ZNF581: variants seen among roughly 807,000 people sequenced by gnomAD.
ZNF581 encodes the protein zinc finger protein 581.
In ZNF581, 1 loss-of-function variant was observed where a neutral mutation model predicts 1.2. The observed-to-expected ratio is 0.83, with a 90% CI of 0.30 to 3.95. The LOEUF (loss-of-function observed/expected upper bound fraction) is 3.95. ZNF581 is among the 30% of genes most tolerant of loss of function. The pLI, the probability that ZNF581 is intolerant of heterozygous loss-of-function variation, is 0.18. For missense variants in ZNF581, 273 were observed against 274.6 expected, an observed-to-expected ratio of 0.99 and a Z score of 0.04; for synonymous variants, 105 against 109.2, an observed-to-expected ratio of 0.96 and a Z score of 0.24.
chr19:55,642,952 G>A, upstream of ZNF581: 1 of 1,428,112 alleles, frequency 7.0e-7, no homozygotes, highest in Admixed American at 3.0e-5. Context: ...GCGCCGGGCC[G>A]CCGCACACCT....
At chr19:55,641,058 T>G (rs1982430577), upstream of ZNF581, 3 of 984,998 alleles carry the variant, frequency 3.0e-6, no homozygotes, top group African/African-American at 5.2e-5. Flanking sequence ...AGTCCCCGCG[T>G]CCCCGGCGCC....
chr19:55,644,244 C>T lies in ZNF581; in HGVS notation c.-19-309C>T, dbSNP rs1183032936. 6.6e-6 allele frequency among the ~76,000 whole-genome samples: 1 copy of T among 152,148 alleles called. No homozygotes were observed. Among genetic ancestry groups the T allele is most frequent in the Non-Finnish European group, 1.5e-5 (1 of 68,020 alleles). ...CTGGAGGCCTGCGGGGTGGGGCACC[C>T]AGTGACCTGGGAGGGCACAAAGAGG... On this transcript the variant is annotated intron_variant, in intron 1 of 1. Transcript: ENST00000270451. This position sits in a 1 kb window ranked among gnomAD's most constrained non-coding sequence, Gnocchi z 4.3.
intron 1 of ZNF581, chr19:55,635,739 G>C: frequency 1.0e-6 from 1 of 988,134 alleles, no homozygotes; most frequent in Non-Finnish European, 1.2e-6. Flanking sequence ...GGTGGGAAAG[G>C]TGGCTGAGGC....
Position 55,645,041 on chromosome 19 carries a change from C to T in ZNF581, c.470C>T (p.Ala157Val), listed in dbSNP as rs368531496. ...CTCTGCCCTCGCCGCTTCCGGGATG[C>T]GGGTGAGCTGGCCCAGCACAGCCGG... is the stretch of plus-strand genomic sequence containing the variant. The part of the protein sequence containing the change: ...CPLCPRRFRD[A>V]GELAQHSRVH... Residue 157 changes from alanine (A) to valine (V), a missense_variant, in exon 2 of 2, where the codon GCG (alanine) becomes GTG (valine). Transcript: ENST00000270451. 1.9e-5 allele frequency: 30 copies of T among 1,585,706 alleles called. No homozygotes were observed. The highest frequency in any genetic ancestry group is 1.7e-4 in the Middle Eastern group (1 of 5,978).
At chr19:55,642,222 A>G (rs1014598832), upstream of ZNF581, 8 of 1,184,848 alleles carry the variant, frequency 6.8e-6, no homozygotes, top group East Asian at 2.2e-4. Flanking sequence ...TCGGGGGACT[A>G]CGTCCTCAGA....
At chr19:55,639,439 C>G (rs1982308701), upstream of ZNF581, among the ~76,000 whole-genome samples, 1 of 152,158 alleles carries the variant, frequency 6.6e-6, no homozygotes, top group African/African-American at 2.4e-5. Flanking sequence ...CAGAGTGAGA[C>G]TCTGTCTCAA....
chr19:55,637,200 A>G (rs1982143823), upstream of ZNF581, among the ~76,000 whole-genome samples: 1 of 152,050 alleles, frequency 6.6e-6, no homozygotes, highest in Non-Finnish European at 1.5e-5. Flanking sequence ...TCAGGGAATG[A>G]TTCTGTGAGC....
upstream of ZNF581, among the ~76,000 whole-genome samples, chr19:55,636,759 A>G (rs1982116224): frequency 6.6e-6 from 1 of 152,176 alleles, no homozygotes. Flanking sequence ...TACCACGGTC[A>G]CTAAAAGCTG....
upstream of ZNF581, chr19:55,640,857 G>C: frequency 1.0e-6 from 1 of 985,502 alleles, no homozygotes; most frequent in East Asian, 1.1e-4. Context: ...GGTGGGAGGG[G>C]AGCGGGGCCG....
upstream of ZNF581, among the ~76,000 whole-genome samples, chr19:55,636,148 G>C (rs1982077110): frequency 6.6e-6 from 1 of 152,210 alleles, no homozygotes; most frequent in African/African-American, 2.4e-5. Context: ...TGTTATGCAT[G>C]GTGCTGAAGT....
upstream of ZNF581, chr19:55,642,475 A>G: frequency 7.1e-7 from 1 of 1,407,496 alleles, no homozygotes; most frequent in South Asian, 1.7e-5. Context: ...ATTTTAACTA[A>G]TCTCCCCTCC....
At chr19:55,636,005 G>A (rs1286938660) in intron 1 of ZNF581, among the ~76,000 whole-genome samples, 1 of 152,196 alleles carries the variant, frequency 6.6e-6, no homozygotes, top group African/African-American at 2.4e-5. Context: ...AGGGGGCTGT[G>A]AGATGCCGTG....
chr19:55,640,509 G>C (rs1328255904), upstream of ZNF581: 1 of 985,286 alleles, frequency 1.0e-6, no homozygotes, highest in Non-Finnish European at 1.2e-6. Flanking sequence ...CTCGGTTCCC[G>C]CATGTGCCCC....
upstream of ZNF581, among the ~76,000 whole-genome samples, chr19:55,636,929 G>T (rs1982127408): frequency 6.6e-6 from 1 of 152,168 alleles, no homozygotes; most frequent in Non-Finnish European, 1.5e-5. Flanking sequence ...GCACCATGGT[G>T]CCCAGAAGGG....
chr19:55,639,530 C>A (rs1339482938), upstream of ZNF581, among the ~76,000 whole-genome samples: 1 of 152,176 alleles, frequency 6.6e-6, no homozygotes, highest in African/African-American at 2.4e-5. Flanking sequence ...CCTTTTGGGC[C>A]CTTGGGCCTC....
intron 1 of ZNF581, chr19:55,635,858 C>G (rs1982061437): frequency 6.3e-6 from 2 of 316,306 alleles, no homozygotes; most frequent in South Asian, 2.5e-4. Flanking sequence ...TGACACCTAG[C>G]CAACTTGAGA....
chr19:55,635,940 C>T (rs1469386508), intron 1 of ZNF581, among the ~76,000 whole-genome samples: 2 of 152,028 alleles, frequency 1.3e-5, no homozygotes, highest in Admixed American at 1.3e-4. Flanking sequence ...ATTCCCAGGG[C>T]GAGGAAAACA....
upstream of ZNF581, chr19:55,642,448 C>T (rs1210630360): frequency 2.9e-6 from 4 of 1,395,344 alleles, no homozygotes; most frequent in African/African-American, 1.5e-5. Flanking sequence ...GGAAACTTTT[C>T]CTAAAAGGAA....
chr19:55,645,010 T>G lies in ZNF581; in HGVS notation c.439T>G (p.Cys147Gly). 6.3e-7 allele frequency: 1 copy of G among 1,596,872 alleles called. No homozygotes were observed. Among genetic ancestry groups the G allele is most frequent in the Non-Finnish European group, 8.6e-7 (1 of 1,166,862 alleles). Residue 147 changes from cysteine (C) to glycine (G), a missense_variant, in exon 2 of 2, where the codon TGC (cysteine) becomes GGC (glycine). Coordinates refer to ENST00000270451, the MANE Select transcript of ZNF581 (RefSeq NM_016535.4). The stretch of plus-strand genomic sequence containing the variant: ...GGCGGGTGGTGGGCGGCCCCACGGC[T>G]GCCCGCTCTGCCCTCGCCGCTTCCG... The part of the protein sequence containing the change: ...HLAGGGRPHG[C>G]PLCPRRFRDA...
Sources: allele counts gnomAD v4.1 joint callset (sites outside exome capture counted in the v4.1 genomes callset), GRCh38; gene constraint gnomAD v4.1.1; non-coding constraint Gnocchi (gnomAD v3.1); transcripts MANE v1.5; gene names NCBI Gene and HGNC (gene_info 2026-07-23, HGNC 2026-07-21).